KCMF1: variants seen among roughly 807,000 people sequenced by gnomAD.
KCMF1 encodes potassium channel modulatory factor 1, also known as E3 ubiquitin-protein ligase KCMF1.
In KCMF1, 3 loss-of-function variants were observed where a neutral mutation model predicts 41.1. That is an observed-to-expected ratio of 0.07 (90% CI 0.03 to 0.19). KCMF1 has a LOEUF of 0.19. Among genes scored for constraint, KCMF1 ranks in the 10% least tolerant of loss-of-function variants. KCMF1 has a pLI of 1.00. For missense variants in KCMF1, 286 were observed against 488.9 expected, an observed-to-expected ratio of 0.58 and a Z score of 3.91; for synonymous variants, 142 against 164.5, an observed-to-expected ratio of 0.86 and a Z score of 1.04.
intron 1 of KCMF1, chr2:84,972,058 C>A (rs1673411961): frequency 6.6e-6 from 1 of 152,186 alleles, no homozygotes; most frequent in African/African-American, 2.4e-5. Flanking sequence ...GCCCCGGCCT[C>A]GCGGCTAGGC....
intron 1 of KCMF1, among the ~76,000 whole-genome samples, chr2:85,012,661 C>T (rs1168356154): frequency 6.6e-6 from 1 of 152,216 alleles, no homozygotes; most frequent in Non-Finnish European, 1.5e-5. Context: ...ATCAGACTCA[C>T]ATGCCTCCTA....
intron 5 of KCMF1, among the ~76,000 whole-genome samples, chr2:85,048,061 G>A (rs1014292181): frequency 6.6e-6 from 1 of 152,108 alleles, no homozygotes; most frequent in Non-Finnish European, 1.5e-5. Flanking sequence ...CGTGGCAGGT[G>A]TTTAACTGTG....
intron 1 of KCMF1, among the ~76,000 whole-genome samples, chr2:84,997,318 T>A (rs1674199321): frequency 6.6e-6 from 1 of 152,196 alleles, no homozygotes; most frequent in Non-Finnish European, 1.5e-5. Context: ...GGCTTATACG[T>A]AGTGTCTTGG....
chr2:85,001,273 T>TGAGTAGTCA, intron 1 of KCMF1, among the ~76,000 whole-genome samples: 1 of 152,080 alleles, frequency 6.6e-6, no homozygotes, highest in South Asian at 2.1e-4. Flanking sequence ...TTCTTCCACC[T>TGAGTAGTCA]CAGCCTCCTG....
chr2:85,018,795 ATTTTTTTTTTTTTT>A lies in KCMF1; in HGVS notation c.17-9080_17-9067del, dbSNP rs34627507. On this transcript the variant is annotated intron_variant, in intron 1 of 6. Coordinates refer to ENST00000409785, the MANE Select transcript of KCMF1 (RefSeq NM_020122.5). ...TGTTATAATACTTTTCAGAACTTTG[ATTTTTTTTTTTTTT>A]TTTTTTTTTTTTTGAGACAGAGTCT... Among the ~76,000 whole-genome samples the A allele has an allele frequency of 6.8e-5, 5 of 73,684 alleles. 1 individual carries two copies. Among genetic ancestry groups the A allele is most frequent in the African/African-American group, 1.0e-4 (2 of 19,264 alleles). The allele number at this position is 73,684 out of a possible 152,430, so 48.3% of individuals were successfully genotyped here.
At chr2:85,008,314 T>TATA (rs1553379335) in intron 1 of KCMF1, among the ~76,000 whole-genome samples, 2 of 101,038 alleles carry the variant, frequency 2.0e-5, no homozygotes, top group African/African-American at 4.5e-5. Flanking sequence ...TAATATGATA[T>TATA]ATATATCATA....
intron 3 of KCMF1, among the ~76,000 whole-genome samples, chr2:85,041,173 A>G (rs555637297): frequency 6.6e-6 from 1 of 152,202 alleles, no homozygotes; most frequent in African/African-American, 2.4e-5. Context: ...TGGTTGGTTG[A>G]TTGGTTGGTT....
Position 85,012,627 on chromosome 2 carries a change from C to G in KCMF1, c.17-15262C>G, listed in dbSNP as rs112717251. 7.2e-3 allele frequency among the ~76,000 whole-genome samples: 1,096 copies of G among 152,316 alleles called. 10 individuals carry two copies. The highest frequency in any genetic ancestry group is 0.025 in the African/African-American group (1,045 of 41,562). On this transcript the variant is annotated intron_variant, in intron 1 of 6. Coordinates refer to ENST00000409785, the MANE Select transcript of KCMF1 (RefSeq NM_020122.5). ...GTACCTTTCAGCTTGCATGTCTTAT[C>G]ACTTCAAACCAAACATGTCTAAAAT...
chr2:85,042,743 T>C (rs1675569160), intron 3 of KCMF1, among the ~76,000 whole-genome samples: 1 of 152,146 alleles, frequency 6.6e-6, no homozygotes, highest in Non-Finnish European at 1.5e-5. Context: ...TAAGGGCCTT[T>C]CCTCTTTAAA....
intron 1 of KCMF1, among the ~76,000 whole-genome samples, chr2:84,992,670 T>C (rs1415059111): frequency 2.6e-5 from 4 of 152,070 alleles, no homozygotes; most frequent in Non-Finnish European, 5.9e-5. Flanking sequence ...TCTAGCTCTG[T>C]CGCCCAGGCT....
chr2:84,983,465 T>TGG (rs1267679690), intron 1 of KCMF1, among the ~76,000 whole-genome samples: 2 of 152,108 alleles, frequency 1.3e-5, no homozygotes, highest in Non-Finnish European at 2.9e-5. Flanking sequence ...TGGATAGGAC[T>TGG]ACAGACATGT....
intron 1 of KCMF1, among the ~76,000 whole-genome samples, chr2:84,982,421 T>TTTTTTTC: frequency 1.6e-5 from 2 of 128,950 alleles, no homozygotes; most frequent in Non-Finnish European, 3.3e-5. Context: ...TTTTTTTTTT[T>TTTTTTTC]TGAGCCAGTC....
rs1173929215 is a variant in KCMF1 at position 84,976,080 on chromosome 2, A to G, written c.16+4613A>G. 2.0e-5 allele frequency among the ~76,000 whole-genome samples: 3 copies of G among 152,226 alleles called. No homozygotes were observed. In the East Asian group the frequency reaches 5.8e-4, roughly 29 times the overall value. ...TAGCTTCCACAGTGCATTGTGAAAC[A>G]TGCCATAAGGAAGGGATAAACACTG... is the stretch of plus-strand genomic sequence containing the variant. On this transcript the variant is annotated intron_variant, in intron 1 of 6. Coordinates refer to ENST00000409785, the MANE Select transcript of KCMF1 (RefSeq NM_020122.5).
intron 1 of KCMF1, among the ~76,000 whole-genome samples, chr2:84,985,843 C>T (rs1000170923): frequency 6.6e-6 from 1 of 151,832 alleles, no homozygotes; most frequent in African/African-American, 2.4e-5. Flanking sequence ...AAAAAAAACC[C>T]TTGGGCCTAG....
At position 85,053,140 on chromosome 2, in the gene KCMF1, T is replaced by G; in HGVS notation, c.885-8T>G. 1.2e-6 allele frequency: 2 copies of G among 1,609,010 alleles called. No homozygotes were observed. The highest frequency in any genetic ancestry group is 1.7e-6 in the Non-Finnish European group (2 of 1,177,770). Reference sequence around the variant, plus strand: ...AACAATAAGGTCTTTTCTTTTTAACTTACACAGGTTGAATGATCCTAAAAT... The same window carrying G: ...AACAATAAGGTCTTTTCTTTTTAACGTACACAGGTTGAATGATCCTAAAAT... On this transcript the variant is annotated splice_region_variant and splice_polypyrimidine_tract_variant and intron_variant, in intron 6 of 6. Transcript: ENST00000409785.
intron 2 of KCMF1, among the ~76,000 whole-genome samples, chr2:85,031,509 A>T (rs918271237): frequency 6.6e-6 from 1 of 152,224 alleles, no homozygotes; most frequent in African/African-American, 2.4e-5. Flanking sequence ...GCGGTCTTCA[A>T]TAAATTACAT....
At chr2:84,978,071 C>T (rs1673596312) in intron 1 of KCMF1, among the ~76,000 whole-genome samples, 1 of 151,676 alleles carries the variant, frequency 6.6e-6, no homozygotes, top group African/African-American at 2.4e-5. Flanking sequence ...GATCTCAACT[C>T]ACCGCAACCT....
intron 1 of KCMF1, among the ~76,000 whole-genome samples, chr2:85,023,883 T>C (rs1042466016): frequency 2.2e-4 from 33 of 152,210 alleles, no homozygotes; most frequent in African/African-American, 7.7e-4. Context: ...ATCATGAAAC[T>C]TGTAGTTTCT....
chr2:85,052,549 CA>C (rs1675833207), intron 6 of KCMF1, among the ~76,000 whole-genome samples: 1 of 152,190 alleles, frequency 6.6e-6, no homozygotes, highest in Non-Finnish European at 1.5e-5. Context: ...GTACATGCAT[CA>C]GGGGAGCAAG....
Sources: allele counts gnomAD v4.1 joint callset (sites outside exome capture counted in the v4.1 genomes callset), GRCh38; gene constraint gnomAD v4.1.1; transcripts MANE v1.5; gene names NCBI Gene and HGNC (gene_info 2026-07-23, HGNC 2026-07-21).